Variants in MYBL1 observed in about 807,000 individuals in gnomAD.
MYBL1 encodes the protein MYB proto-oncogene like 1, also known as myb-related protein A.
MYBL1 carries 17 observed loss-of-function variants against 96.3 expected under a neutral mutation model. That is an observed-to-expected ratio of 0.18 (90% confidence interval 0.12 to 0.26). The LOEUF (loss-of-function observed/expected upper bound fraction) is 0.26, where lower values mean the gene tolerates loss of function less well. MYBL1 is among the 10% of genes least tolerant of loss of function. MYBL1 has a pLI of 1.00. For synonymous variants in MYBL1, 282 were observed against 292.7 expected (o/e 0.96, Z 0.37); for missense variants, 701 against 882.9 (o/e 0.79, Z 2.61).
chr8:66,578,127 C>T (rs984663340), intron 9 of MYBL1, among the ~76,000 whole-genome samples: 89 of 151,998 alleles, frequency 5.9e-4, no homozygotes, highest in African/African-American at 1.7e-3. Flanking sequence ...CATAAAAACC[C>T]GAGAAGAAAA....
intron 7 of MYBL1, 87 bp downstream of exon 7, chr8:66,593,033 T>C: frequency 3.7e-6 from 3 of 802,928 alleles, no homozygotes; most frequent in Non-Finnish European, 6.0e-6. Flanking sequence ...TTATACTAGT[T>C]TAATAGATGA....
In MYBL1 at chr8:66,601,868, A is replaced by T. The variant is rs1326469453; in HGVS notation, c.127-99T>A. 7 of 558,142 alleles carry T rather than the reference A, an allele frequency of 1.3e-5. No individual in the cohort carries two copies. The Admixed American group carries it at 1.8e-4, about 14-fold the overall frequency. The allele number at this position is 558,142 out of a possible 1,614,324, so 34.6% of individuals were successfully genotyped here. ...CCAATTCTATTAAGGAATATCTGGTAACCATAGAATAACTAAAGCCACCCA... is the reference window on the plus strand; with the variant it reads ...CCAATTCTATTAAGGAATATCTGGTTACCATAGAATAACTAAAGCCACCCA... On this transcript the variant is annotated intron_variant, in intron 2 of 15. Transcript: ENST00000522677.
chr8:66,581,593 T>G (rs1276290114), intron 8 of MYBL1, among the ~76,000 whole-genome samples: 1 of 152,072 alleles, frequency 6.6e-6, no homozygotes, highest in East Asian at 1.9e-4. Context: ...AGGGCATCAC[T>G]TGAACCCAGG....
intron 9 of MYBL1, among the ~76,000 whole-genome samples, chr8:66,577,013 G>A (rs914107166): frequency 8.5e-5 from 13 of 152,112 alleles, no homozygotes; most frequent in Admixed American, 7.2e-4. Context: ...AAAGGCCTTT[G>A]ACAAAATTCA....
chr8:66,589,462 G>A (rs1468984886), intron 8 of MYBL1, among the ~76,000 whole-genome samples: 3 of 151,910 alleles, frequency 2.0e-5, no homozygotes, highest in East Asian at 1.9e-4. Flanking sequence ...CTACAGGCAC[G>A]TGCCACCATG....
At chr8:66,608,035 C>T (rs1173108383) in intron 1 of MYBL1, among the ~76,000 whole-genome samples, 1 of 152,118 alleles carries the variant, frequency 6.6e-6, no homozygotes, top group African/African-American at 2.4e-5. Context: ...TGAGTATTCA[C>T]AAATCTACAT....
chr8:66,580,067 A>G (rs868840761), intron 9 of MYBL1, 66 bp downstream of exon 9: 1 of 1,207,126 alleles, frequency 8.3e-7, no homozygotes, highest in South Asian at 1.4e-5. Context: ...TCCAAAACTG[A>G]GTTTCTGAGC....
intron 1 of MYBL1, among the ~76,000 whole-genome samples, chr8:66,602,809 G>A (rs1379100693): frequency 2.3e-5 from 3 of 127,760 alleles, no homozygotes; most frequent in South Asian, 2.7e-4. Flanking sequence ...GCAGTGGCAT[G>A]ATCTCGGCTC....
intron 10 of MYBL1, among the ~76,000 whole-genome samples, chr8:66,574,234 A>AG (rs1171248548): frequency 1.4e-4 from 21 of 152,296 alleles, no homozygotes; most frequent in Non-Finnish European, 2.4e-4. Flanking sequence ...TTTTACCCTA[A>AG]GATTAGTAAT....
intron 9 of MYBL1, 41 bp downstream of exon 9, chr8:66,580,092 C>T (rs1395725668): frequency 3.5e-6 from 5 of 1,429,876 alleles, no homozygotes; most frequent in Non-Finnish European, 4.8e-6. Flanking sequence ...AATCATATAA[C>T]TAAAATTGAA....
At chr8:66,602,574 A>T in intron 1 of MYBL1, 51 bp from the exon 2 acceptor site, 1 of 1,314,186 alleles carries the variant, frequency 7.6e-7, no homozygotes. Context: ...TAAATTTGTA[A>T]ATTCAAACAC....
At chr8:66,578,841 C>T (rs1809077886) in intron 9 of MYBL1, among the ~76,000 whole-genome samples, 1 of 152,076 alleles carries the variant, frequency 6.6e-6, no homozygotes. Flanking sequence ...AAATGTCCAA[C>T]AATGATAGAC....
chr8:66,612,881 TCAGCCTCCTC>T lies in MYBL1; in HGVS notation c.-53_-44del, dbSNP rs753332622. The T allele has an allele frequency of 1.5e-6, 2 of 1,339,198 alleles. No homozygotes were observed. Among genetic ancestry groups the T allele is most frequent in the Admixed American group, 3.0e-5 (1 of 32,942 alleles). 83.0% of individuals were successfully genotyped at this position (1,339,198 alleles called of 1,614,324 possible). A position where few individuals can be genotyped will look rare whatever the true frequency, so the allele number is the denominator to read the frequency against. ...GGAGCAGGCTGGGCGGGGACGCGGG[TCAGCCTCCTC>T]CAGCCTCCGGCGAATGCTCCTTCTC... On this transcript the variant is annotated 5_prime_UTR_variant, in exon 1 of 16. Transcript: ENST00000522677.
At chr8:66,598,435 T>C (rs954098699) in intron 4 of MYBL1, among the ~76,000 whole-genome samples, 4 of 152,190 alleles carry the variant, frequency 2.6e-5, no homozygotes, top group Admixed American at 6.5e-5. Context: ...GAACAACAAA[T>C]AAAGTTTGTT....
At chr8:66,577,814 C>T (rs1809026159) in intron 9 of MYBL1, among the ~76,000 whole-genome samples, 1 of 152,318 alleles carries the variant, frequency 6.6e-6, no homozygotes, top group Admixed American at 6.5e-5. Flanking sequence ...CATCATGCTA[C>T]CTGATTTCAA....
chr8:66,597,847 TAAAAAAAAAAAAAAAAA>T (rs1189665191), intron 4 of MYBL1, among the ~76,000 whole-genome samples: 1 of 36,172 alleles, frequency 2.8e-5, no homozygotes, highest in South Asian at 1.2e-3. Context: ...CTCCTACATC[TAAAAAAAAAAAAAAAAA>T]AAAAAAAAAC....
intron 1 of MYBL1, among the ~76,000 whole-genome samples, chr8:66,609,087 C>T (rs542967081): frequency 1.9e-4 from 29 of 152,084 alleles, no homozygotes; most frequent in African/African-American, 6.7e-4. Context: ...TTGTAGAACT[C>T]ATTAGGCCAG....
intron 8 of MYBL1, among the ~76,000 whole-genome samples, chr8:66,591,073 G>A (rs544077669): frequency 6.6e-6 from 1 of 152,278 alleles, no homozygotes; most frequent in South Asian, 2.1e-4. Context: ...AATTTGGTTA[G>A]GTGCGGTGGC....
At chr8:66,569,632 T>C (rs117537552) in intron 12 of MYBL1, among the ~76,000 whole-genome samples, 55 of 152,314 alleles carry the variant, frequency 3.6e-4, no homozygotes, top group Non-Finnish European at 7.2e-4. Flanking sequence ...ATTACAGGTA[T>C]GAGCCACTGC....
Sources: gnomAD v4.1 joint callset for allele counts (sites outside exome capture counted in the v4.1 genomes callset) on GRCh38, gnomAD v4.1.1 for gene constraint, MANE v1.5 for transcripts, NCBI Gene and HGNC (gene_info 2026-07-23, HGNC 2026-07-21) for gene names.